Variants in ADGRG1 observed in about 807,000 individuals in gnomAD.
The protein encoded by ADGRG1 is 7-transmembrane protein with no EGF-like N-terminal domains-1.
Under a neutral mutation model 73.5 loss-of-function variants are expected in ADGRG1, and 53 were observed. The observed-to-expected ratio is 0.72, with a 90% CI of 0.58 to 0.91. ADGRG1 has a LOEUF of 0.91. ADGRG1 is among the 40% of genes least tolerant of loss of function. The pLI is 0.00. For synonymous variants in ADGRG1, 394 were observed against 374.4 expected (o/e 1.05, Z -0.60); for missense variants, 795 against 871.8 (o/e 0.91, Z 1.11).
At chr16:57,653,563 C>T (rs1433850308) in intron 4 of ADGRG1, 1 of 985,306 alleles carries the variant, frequency 1.0e-6, no homozygotes, top group East Asian at 1.1e-4. Context: ...AGCCCTCCTC[C>T]CCCTCATAAA....
At chr16:57,628,960 G>A (rs2036765393) in intron 1 of ADGRG1, 158 bp downstream of exon 1, 2 of 580,476 alleles carry the variant, frequency 3.4e-6, no homozygotes, top group South Asian at 7.7e-5. Flanking sequence ...GTGAGAGTGT[G>A]TGAGTGTGAG....
chr16:57,640,327 T>C (rs1297588770), intron 1 of ADGRG1: 1 of 152,252 alleles, frequency 6.6e-6, no homozygotes, highest in Non-Finnish European at 1.5e-5. Context: ...GAGCCAGCCC[T>C]GGGTTCGCAT....
At chr16:57,654,304 G>A (rs940713743) in intron 5 of ADGRG1, among the ~76,000 whole-genome samples, 171 bp downstream of exon 5, 2 of 152,046 alleles carry the variant, frequency 1.3e-5, no homozygotes, top group East Asian at 3.9e-4. Flanking sequence ...TCAACCGTGG[G>A]ATTGAGGACC....
At chr16:57,628,557 G>A (rs2036368047), upstream of ADGRG1, 2 of 985,446 alleles carry the variant, frequency 2.0e-6, no homozygotes, top group African/African-American at 1.7e-5. Context: ...TCAAGCTCAG[G>A]GAGGAGGGAG....
At chr16:57,639,916 A>C (rs910793553) in intron 1 of ADGRG1, 1 of 945,980 alleles carries the variant, frequency 1.1e-6, no homozygotes, top group South Asian at 4.9e-5. Context: ...GTCAGATGGT[A>C]CTCCAAGGGA....
At chr16:57,635,573 G>A (rs2039143700) in intron 1 of ADGRG1, 1 of 985,300 alleles carries the variant, frequency 1.0e-6, no homozygotes, top group Non-Finnish European at 1.2e-6. Context: ...TTTAGTGATT[G>A]CGATCTAGGA....
intron 6 of ADGRG1, 104 bp from the exon 7 acceptor site, chr16:57,655,772 A>G (rs1597559405): frequency 2.5e-6 from 4 of 1,611,680 alleles, no homozygotes; most frequent in South Asian, 1.1e-5. Flanking sequence ...TCTCAAGGCA[A>G]TGTGCTGGGA....
At chr16:57,652,803 G>T (rs78188729) in intron 3 of ADGRG1, 2 of 1,098,352 alleles carry the variant, frequency 1.8e-6, no homozygotes, top group Admixed American at 4.8e-5. Context: ...CGCTACCTGG[G>T]CAGAGGGGCC....
rs770036948 is a variant in ADGRG1 at position 57,661,771 on chromosome 16, T to C, written c.1739T>C (p.Met580Thr). 8.7e-6 allele frequency: 14 copies of C among 1,614,094 alleles called. No individual in the cohort carries two copies. Among genetic ancestry groups the C allele is most frequent in the African/African-American group, 8.0e-5 (6 of 74,938 alleles). ...GLFSLVFLFN[M>T]AMLATMVVQI... Reference sequence around the variant, plus strand: ...TTCAGCCTGGTGTTTCTGTTCAACATGGCCATGCTAGCCACCATGGTGGTG... The same window carrying C: ...TTCAGCCTGGTGTTTCTGTTCAACACGGCCATGCTAGCCACCATGGTGGTG... The change falls in exon 13 of 14, where the codon ATG becomes ACG. Residue 580 changes from methionine (M) to threonine (T), a missense_variant. Coordinates refer to ENST00000562631, the MANE Select transcript of ADGRG1 (RefSeq NM_201525.4).
upstream of ADGRG1, among the ~76,000 whole-genome samples, chr16:57,623,635 C>T (rs1311654149): frequency 6.6e-6 from 1 of 152,234 alleles, no homozygotes; most frequent in East Asian, 1.9e-4. Flanking sequence ...CCTGCTCTTT[C>T]CCTGACTGGG....
intron 1 of ADGRG1, chr16:57,639,978 A>G (rs2040380916): frequency 2.5e-6 from 1 of 396,682 alleles, no homozygotes; most frequent in Middle Eastern, 1.2e-3. Context: ...GTTGGGGGTG[A>G]GAGCTCCACA....
rs2038709931 is a variant in ADGRG1 at position 57,634,028 on chromosome 16, C to A, written c.-36+5226C>A. The A allele has an allele frequency of 3.1e-6, 3 of 976,158 alleles. No individual in the cohort carries two copies. In the African/African-American group the frequency reaches 5.3e-5, roughly 17 times the overall value. The allele number at this position is 976,158 out of a possible 1,614,324, so 60.5% of individuals were successfully genotyped here. A position where few individuals can be genotyped will look rare whatever the true frequency, so the allele number is the denominator to read the frequency against. Reference sequence around the variant, plus strand: ...TGAGCTGGAGCCATTACCCACAGAACCGCCGACCTTTCAAAGGACCAGAGG... The same window carrying A: ...TGAGCTGGAGCCATTACCCACAGAAACGCCGACCTTTCAAAGGACCAGAGG... On this transcript the variant is annotated intron_variant, in intron 1 of 13. Coordinates refer to ENST00000562631, the MANE Select transcript of ADGRG1 (RefSeq NM_201525.4).
At chr16:57,651,065 C>T in intron 2 of ADGRG1, 135 bp from the exon 3 acceptor site, 1 of 1,580,044 alleles carries the variant, frequency 6.3e-7, no homozygotes, top group Non-Finnish European at 8.5e-7. Context: ...AAGACTAACA[C>T]ATTTTTGTAG....
At chr16:57,654,205 AC>A in intron 5 of ADGRG1, 72 bp downstream of exon 5, 1 of 1,481,222 alleles carries the variant, frequency 6.8e-7, no homozygotes, top group Non-Finnish European at 9.2e-7. Flanking sequence ...GGCTGTGAGC[AC>A]TCCCTGAAGC....
Position 57,651,297 on chromosome 16 carries a change from G to A in ADGRG1, c.162G>A (p.Leu54=), listed in dbSNP as rs143561619. 6.2e-6 allele frequency: 10 copies of A among 1,614,024 alleles called. No individual in the cohort carries two copies. The African/African-American group carries it at 1.2e-4, about 19-fold the overall frequency. The change falls in exon 3 of 14, where the codon CTG becomes CTA. Residue 54 remains leucine, a synonymous_variant. Transcript: ENST00000562631. ...TCCACTACAAACCCACACCAGACCT[G>A]CGCATCTCCATCGAGAACTCCGAAG... ...SSLHYKPTPD[L]RISIENSEEA... is the part of the protein sequence containing the mutation.
intron 1 of ADGRG1, chr16:57,639,878 G>T (rs1156590713): frequency 2.1e-6 from 2 of 974,414 alleles, no homozygotes; most frequent in Non-Finnish European, 2.4e-6. Context: ...GTGGGTGGGG[G>T]TGTGGTGGCA....
chr16:57,633,835 G>A (rs113903569), intron 1 of ADGRG1, among the ~76,000 whole-genome samples: 2,631 of 152,280 alleles, frequency 0.017, 66 homozygotes, highest in African/African-American at 0.06. Context: ...GGATGTTACC[G>A]GGAAAACCAC....
intron 5 of ADGRG1, chr16:57,655,088 T>G (rs2045338065): frequency 1.0e-6 from 1 of 985,204 alleles, no homozygotes; most frequent in Non-Finnish European, 1.2e-6. Context: ...ACTGCCCACA[T>G]GGCCACCCCC....
chr16:57,660,987 C>G (rs2046951048), intron 12 of ADGRG1, 111 bp downstream of exon 12: 1 of 756,566 alleles, frequency 1.3e-6, no homozygotes. Flanking sequence ...TTCCAGTCTC[C>G]TCGAGGAATT....
Sources: gnomAD v4.1 joint callset for allele counts (sites outside exome capture counted in the v4.1 genomes callset) on GRCh38, gnomAD v4.1.1 for gene constraint, MANE v1.5 for transcripts, NCBI Gene and HGNC (gene_info 2026-07-23, HGNC 2026-07-21) for gene names.